The following OPCML variants were observed in gnomAD, a reference collection of about 807,000 sequenced individuals.
OPCML encodes the protein opioid-binding protein/cell adhesion molecule.
A neutral mutation model predicts 37.8 loss-of-function variants in OPCML; 13 were observed. The observed-to-expected ratio is 0.34, with a 90% confidence interval of 0.22 to 0.55. The LOEUF is 0.55. OPCML is among the 20% of genes least tolerant of loss of function. OPCML has a pLI of 0.91. For synonymous variants in OPCML, 176 were observed against 168.8 expected (o/e 1.04, Z -0.33); for missense variants, 341 against 435.6 (o/e 0.78, Z 1.93).
intron 1 of OPCML, among the ~76,000 whole-genome samples, chr11:133,340,970 C>T (rs1433139721): frequency 6.6e-6 from 1 of 152,184 alleles, no homozygotes; most frequent in Non-Finnish European, 1.5e-5. Context: ...GACCCTGACA[C>T]TTCCTGCAAA....
chr11:132,533,721 T>C (rs2137319272), intron 3 of OPCML, among the ~76,000 whole-genome samples: 1 of 152,284 alleles, frequency 6.6e-6, no homozygotes, highest in South Asian at 2.1e-4. Context: ...CCTGTACCTT[T>C]ATTTGTACCT....
intron 1 of OPCML, among the ~76,000 whole-genome samples, chr11:133,219,856 A>G (rs1196117435): frequency 6.6e-6 from 1 of 152,186 alleles, no homozygotes; most frequent in Non-Finnish European, 1.5e-5. Context: ...CTAATATCCT[A>G]TAATGCACAG....
At chr11:132,797,176 T>C (rs1054207384) in intron 2 of OPCML, among the ~76,000 whole-genome samples, 1 of 152,240 alleles carries the variant, frequency 6.6e-6, no homozygotes, top group African/African-American at 2.4e-5. Context: ...AAGAAAGTTT[T>C]ACCCACCCAG....
intron 1 of OPCML, among the ~76,000 whole-genome samples, chr11:133,035,378 G>C (rs1446682265): frequency 6.6e-6 from 1 of 152,194 alleles, no homozygotes; most frequent in Non-Finnish European, 1.5e-5. Context: ...CAGAGAAAGA[G>C]AAAATGGGAC....
intron 1 of OPCML, among the ~76,000 whole-genome samples, chr11:133,140,218 A>ATAATAATAT (rs1237980283): frequency 6.9e-6 from 1 of 144,246 alleles, no homozygotes; most frequent in Non-Finnish European, 1.5e-5. Context: ...AATAATAATA[A>ATAATAATAT]TAATACTGAT....
chr11:133,421,676 T>G, intron 1 of OPCML: 1 of 985,400 alleles, frequency 1.0e-6, no homozygotes, highest in Non-Finnish European at 1.2e-6. Context: ...ACCCTTTATT[T>G]ATTGAAACTT....
chr11:132,506,367 G>C (rs7108496), intron 4 of OPCML, among the ~76,000 whole-genome samples: 9,193 of 152,230 alleles, frequency 0.06, 372 homozygotes, highest in Middle Eastern at 0.14. Context: ...CATCTTTTTA[G>C]TAAAACGTCT....
At chr11:132,758,585 G>A (rs575989167) in intron 2 of OPCML, among the ~76,000 whole-genome samples, 1 of 152,268 alleles carries the variant, frequency 6.6e-6, no homozygotes, top group East Asian at 1.9e-4. Flanking sequence ...GTTCACTCGT[G>A]ATTTGGCTCT....
chr11:132,561,210 T>C (rs2096409944), intron 3 of OPCML, among the ~76,000 whole-genome samples: 1 of 152,186 alleles, frequency 6.6e-6, no homozygotes, highest in South Asian at 2.1e-4. Flanking sequence ...TCATTTTGGC[T>C]CTTACCCTGT....
chr11:132,886,264 A>G (rs182829713), intron 2 of OPCML, among the ~76,000 whole-genome samples: 40 of 152,340 alleles, frequency 2.6e-4, no homozygotes, highest in African/African-American at 9.1e-4. Flanking sequence ...GTCGTTAAAT[A>G]ACAAGCCTCA....
At chr11:132,784,470 G>A (rs1947139385) in intron 2 of OPCML, among the ~76,000 whole-genome samples, 1 of 151,992 alleles carries the variant, frequency 6.6e-6, no homozygotes, top group South Asian at 2.1e-4. Flanking sequence ...GCCTGCCTTT[G>A]AGTCTCTGCC....
intron 1 of OPCML, among the ~76,000 whole-genome samples, chr11:133,530,097 G>C (rs775429076): frequency 6.6e-6 from 1 of 152,212 alleles, no homozygotes; most frequent in Non-Finnish European, 1.5e-5. Context: ...GGGGCAGGGG[G>C]GTGGGGGGGA....
intron 1 of OPCML, among the ~76,000 whole-genome samples, chr11:133,276,185 G>A (rs530860452): frequency 2.0e-5 from 3 of 152,300 alleles, no homozygotes; most frequent in East Asian, 3.9e-4. Flanking sequence ...ATGAGGGAAA[G>A]ATAGAATCGC....
At chr11:133,094,217 T>TA (rs1327464700) in intron 1 of OPCML, among the ~76,000 whole-genome samples, 4 of 152,110 alleles carry the variant, frequency 2.6e-5, no homozygotes, top group Non-Finnish European at 4.4e-5. Flanking sequence ...TTTCTTTAAA[T>TA]AAAAAAATGG....
At chr11:133,433,640 T>C (rs74683422) in intron 1 of OPCML, among the ~76,000 whole-genome samples, 1,855 of 152,312 alleles carry the variant, frequency 0.012, 43 homozygotes, top group African/African-American at 0.043. Context: ...TTAACACTCA[T>C]GGGAGAGCAG....
intron 2 of OPCML, among the ~76,000 whole-genome samples, chr11:132,736,053 G>T (rs1297722098): frequency 4.6e-5 from 7 of 152,162 alleles, no homozygotes; most frequent in Non-Finnish European, 1.0e-4. Context: ...TATGTACTTT[G>T]CTGGATTTCA....
intron 1 of OPCML, among the ~76,000 whole-genome samples, chr11:133,453,661 C>G (rs1313725348): frequency 6.6e-6 from 1 of 152,168 alleles, no homozygotes; most frequent in African/African-American, 2.4e-5. Context: ...AAACACAGCT[C>G]AGCCACAACC....
intron 1 of OPCML, among the ~76,000 whole-genome samples, chr11:133,191,600 C>G (rs927978403): frequency 2.6e-5 from 4 of 151,468 alleles, no homozygotes; most frequent in African/African-American, 9.7e-5. Flanking sequence ...TTCAAGCAAT[C>G]CTCCTGCCTC....
At chr11:133,160,194 A>G (rs1028521309) in intron 1 of OPCML, among the ~76,000 whole-genome samples, 2 of 152,272 alleles carry the variant, frequency 1.3e-5, no homozygotes, top group Admixed American at 6.5e-5. Flanking sequence ...AAGTCTCTCA[A>G]TTTATGAAAA....
Sources: gnomAD v4.1 joint callset for allele counts (sites outside exome capture counted in the v4.1 genomes callset) on GRCh38, gnomAD v4.1.1 for gene constraint, MANE v1.5 for transcripts, NCBI Gene and HGNC (gene_info 2026-07-23, HGNC 2026-07-21) for gene names.